The following RDH11 variants were observed in gnomAD, a reference collection of about 807,000 sequenced individuals.
The protein encoded by RDH11 is retinol dehydrogenase 11, also known as HCV core-binding protein HCBP12.
In RDH11, 19 loss-of-function variants were observed where a neutral mutation model predicts 33.4. That is an observed-to-expected ratio of 0.57 (90% CI 0.40 to 0.83). The LOEUF (loss-of-function observed/expected upper bound fraction) is 0.83. Among genes scored for constraint, RDH11 ranks in the 40% least tolerant of loss-of-function variants. RDH11 has a pLI of 0.00. For synonymous variants in RDH11, 154 were observed against 155.3 expected (o/e 0.99, Z 0.06); for missense variants, 353 against 389.0 (o/e 0.91, Z 0.78).
chr14:67,690,004 A>G (rs2037728752), intron 5 of RDH11: 1 of 550,082 alleles, frequency 1.8e-6, no homozygotes, highest in East Asian at 3.2e-5. Flanking sequence ...TAGTAAAGCC[A>G]GGCCTTCAGA....
At chr14:67,684,790 A>G in intron 6 of RDH11, 1 of 371,504 alleles carries the variant, frequency 2.7e-6, no homozygotes, top group Non-Finnish European at 4.8e-6. Context: ...ACAGGAAGAA[A>G]ACAAACAGAA....
intron 6 of RDH11, chr14:67,684,804 A>G (rs1361483957): frequency 9.9e-6 from 4 of 402,804 alleles, no homozygotes; most frequent in Non-Finnish European, 1.7e-5. Context: ...AACAGAATGC[A>G]TAATTATCAG....
intron 2 of RDH11, 57 bp downstream of exon 2, chr14:67,692,877 T>C (rs1200884513): frequency 1.1e-5 from 13 of 1,198,646 alleles, no homozygotes; most frequent in Non-Finnish European, 1.6e-5. Context: ...TGAATCATCA[T>C]TACTGTGAGG....
intron 2 of RDH11, 97 bp from the exon 3 acceptor site, chr14:67,692,690 A>AT: frequency 7.1e-7 from 1 of 1,400,718 alleles, no homozygotes; most frequent in Non-Finnish European, 9.7e-7. Flanking sequence ...AAAAACACAC[A>AT]TTTTTACCCT....
chr14:67,691,070 A>G lies in RDH11; in HGVS notation c.454+70T>C, dbSNP rs965289429. ...TTCAATCACACAACAAGAAGCCTCA[A>G]TCTGACCCCTAAGTTTCCCAAAGAG... On this transcript the variant is annotated intron_variant, in intron 4 of 6. Coordinates refer to ENST00000381346, the MANE Select transcript of RDH11 (RefSeq NM_016026.4). 5.0e-6 allele frequency: 5 copies of G among 992,004 alleles called. No homozygotes were observed. In the African/African-American group the frequency reaches 6.4e-5, roughly 13 times the overall value. The allele number at this position is 992,004 out of a possible 1,614,324, so 61.5% of individuals were successfully genotyped here.
intron 6 of RDH11, among the ~76,000 whole-genome samples, chr14:67,678,664 A>G (rs2037574065): frequency 6.6e-6 from 1 of 152,208 alleles, no homozygotes; most frequent in Non-Finnish European, 1.5e-5. Context: ...TATATAATGC[A>G]TACATTTGGT....
chr14:67,679,173 G>A (rs943165736), intron 6 of RDH11, among the ~76,000 whole-genome samples: 5 of 152,118 alleles, frequency 3.3e-5, no homozygotes, highest in African/African-American at 1.2e-4. Flanking sequence ...GGGGACACAA[G>A]TCATCCTTTA....
At chr14:67,689,631 A>G (rs1483082891) in intron 5 of RDH11, among the ~76,000 whole-genome samples, 2 of 152,162 alleles carry the variant, frequency 1.3e-5, no homozygotes, top group Admixed American at 6.6e-5. Context: ...CCATTTACAT[A>G]TGAAGAAGGA....
At chr14:67,687,293 T>C (rs900455565) in intron 5 of RDH11, among the ~76,000 whole-genome samples, 2 of 152,148 alleles carry the variant, frequency 1.3e-5, no homozygotes, top group African/African-American at 4.8e-5. Context: ...CTAAAATCCT[T>C]ACTGTGGCCT....
At chr14:67,695,205 C>A (rs1365253493) in intron 1 of RDH11, among the ~76,000 whole-genome samples, 1 of 152,192 alleles carries the variant, frequency 6.6e-6, no homozygotes. Context: ...CGATTGCTAT[C>A]AGTTTCAGAG....
In RDH11 at chr14:67,677,223, GGCA is replaced by G. The variant is rs1220987237; in HGVS notation, c.*1095_*1097del. ...GTCTCCAAATAAAATACAAAATTTTGGCACAGACATTTTAATCTTGTCAAGACA... is the reference window on the plus strand; with the variant it reads ...GTCTCCAAATAAAATACAAAATTTTGCAGACATTTTAATCTTGTCAAGACA... On this transcript the variant is annotated 3_prime_UTR_variant, in exon 7 of 7. Transcript: ENST00000381346. 3 of 151,918 alleles carry G rather than the reference GGCA, an allele frequency of 2.0e-5. No individual in the cohort carries two copies. Among genetic ancestry groups the G allele is most frequent in the Non-Finnish European group, 4.4e-5 (3 of 67,996 alleles). The allele number at this position is 151,918 out of a possible 1,614,324, so 9.4% of individuals were successfully genotyped here.
chr14:67,678,906 A>G (rs1379278349), intron 6 of RDH11, among the ~76,000 whole-genome samples: 1 of 152,358 alleles, frequency 6.6e-6, no homozygotes, highest in African/African-American at 2.4e-5. Flanking sequence ...TCATATGAGA[A>G]GTAAAGCCAG....
intron 6 of RDH11, among the ~76,000 whole-genome samples, chr14:67,682,893 A>C (rs1284232143): frequency 6.6e-6 from 1 of 152,282 alleles, no homozygotes; most frequent in Non-Finnish European, 1.5e-5. Flanking sequence ...AATGTTATCC[A>C]GCAATAAAAA....
intron 5 of RDH11, among the ~76,000 whole-genome samples, chr14:67,686,846 G>A (rs776309578): frequency 3.3e-5 from 5 of 152,068 alleles, no homozygotes; most frequent in Non-Finnish European, 5.9e-5. Context: ...ATGTTTTGCT[G>A]CCAAATGAGT....
At chr14:67,689,556 G>A (rs920100295) in intron 5 of RDH11, among the ~76,000 whole-genome samples, 4 of 152,084 alleles carry the variant, frequency 2.6e-5, no homozygotes, top group African/African-American at 9.7e-5. Flanking sequence ...GTCTCACTGT[G>A]AGTAAAAAAT....
intron 5 of RDH11, chr14:67,686,196 G>A (rs1273683802): frequency 6.6e-5 from 10 of 152,152 alleles, no homozygotes; most frequent in Admixed American, 6.5e-4. Context: ...TTCAAATCCT[G>A]GCTCCACTCA....
At chr14:67,685,312 T>A in intron 5 of RDH11, 108 bp from the exon 6 acceptor site, 1 of 819,124 alleles carries the variant, frequency 1.2e-6, no homozygotes, top group Non-Finnish European at 1.9e-6. Context: ...TATGGACTCT[T>A]TTGCCCATGG....
chr14:67,683,516 G>A (rs914695513), intron 6 of RDH11, among the ~76,000 whole-genome samples: 5 of 152,120 alleles, frequency 3.3e-5, no homozygotes, highest in African/African-American at 1.2e-4. Context: ...CTTTGTTTCG[G>A]CAATAGCAAC....
In RDH11 at chr14:67,690,373, G is replaced by C; in HGVS notation, c.503C>G (p.Ala168Gly). 1 of 1,614,180 alleles carries C rather than the reference G, an allele frequency of 6.2e-7. No homozygotes were observed. Among genetic ancestry groups the C allele is most frequent in the Non-Finnish European group, 8.5e-7 (1 of 1,180,030 alleles). The part of the protein sequence containing the change: ...HLLLEKLKES[A>G]PSRIVNVSSL... The stretch of plus-strand genomic sequence containing the variant: ...AGACACATTTACTATCCTTGATGGG[G>C]CTGATTCCTTTAGTTTCTCTAGCAG... The change falls in exon 5 of 7, where the codon GCC (alanine) becomes GGC (glycine). Residue 168 changes from alanine (A) to glycine (G), a missense_variant. By Grantham distance (60) the Ala-to-Gly change is moderately conservative (BLOSUM62 0). Coordinates refer to ENST00000381346, the MANE Select transcript of RDH11 (RefSeq NM_016026.4).
Sources: allele counts gnomAD v4.1 joint callset (sites outside exome capture counted in the v4.1 genomes callset), GRCh38; gene constraint gnomAD v4.1.1; transcripts MANE v1.5; gene names NCBI Gene and HGNC (gene_info 2026-07-23, HGNC 2026-07-21).